Variants in ZNF732 observed in about 807,000 individuals in gnomAD.
The protein encoded by ZNF732 is zinc finger protein LOC654254.
In ZNF732, 12 loss-of-function variants were observed where a neutral mutation model predicts 11.5. That is an observed-to-expected ratio of 1.05 (90% confidence interval 0.67 to 1.70). The LOEUF (loss-of-function observed/expected upper bound fraction) is 1.70, where lower values mean the gene tolerates loss of function less well. ZNF732 is among the 40% of genes most tolerant of loss of function. ZNF732 has a pLI of 0.00. For missense variants in ZNF732, 702 were observed against 676.9 expected, an observed-to-expected ratio of 1.04 and a Z score of -0.41; for synonymous variants, 231 against 236.5, an observed-to-expected ratio of 0.98 and a Z score of 0.21.
intron 3 of ZNF732, among the ~76,000 whole-genome samples, chr4:292,978 GA>G (rs111452322): frequency 0.06 from 8,058 of 134,804 alleles, 381 homozygotes; most frequent in African/African-American, 0.13. Context: ...TGAGGCAGGA[GA>G]ATGGCGTGAA....
intron 3 of ZNF732, among the ~76,000 whole-genome samples, chr4:291,945 C>T (rs1229837396): frequency 2.6e-5 from 4 of 152,078 alleles, no homozygotes; most frequent in African/African-American, 9.7e-5. Flanking sequence ...GGCAAGGGAA[C>T]CAAGAACACA....
At chr4:284,248 A>C (rs148521496) in intron 3 of ZNF732, among the ~76,000 whole-genome samples, 68 of 152,336 alleles carry the variant, frequency 4.5e-4, no homozygotes, top group African/African-American at 1.5e-3. Context: ...AATTTTATAA[A>C]TGAGAAATCA....
chr4:303,932 T>C (rs1468649859), intron 1 of ZNF732, among the ~76,000 whole-genome samples: 1 of 152,170 alleles, frequency 6.6e-6, no homozygotes, highest in Admixed American at 6.5e-5. Context: ...GACTAGTTTG[T>C]GCTACAAGTG....
intron 3 of ZNF732, among the ~76,000 whole-genome samples, chr4:284,788 T>C (rs193139501): frequency 1.4e-5 from 2 of 147,676 alleles, no homozygotes; most frequent in African/African-American, 5.0e-5. Flanking sequence ...GAAGAATCGC[T>C]TGAACCCAGG....
At chr4:296,626 G>A (rs962461966) in intron 1 of ZNF732, among the ~76,000 whole-genome samples, 6 of 151,366 alleles carry the variant, frequency 4.0e-5, no homozygotes, top group Non-Finnish European at 5.9e-5. Flanking sequence ...GAGTCACTTA[G>A]CTAAGCGCTG....
At chr4:298,689 C>T (rs1460717692) in intron 1 of ZNF732, among the ~76,000 whole-genome samples, 1 of 152,118 alleles carries the variant, frequency 6.6e-6, no homozygotes, top group Non-Finnish European at 1.5e-5. Context: ...GGGATGCAAA[C>T]AGAAAATGAA....
At chr4:287,256 C>T in intron 3 of ZNF732, among the ~76,000 whole-genome samples, 1 of 151,602 alleles carries the variant, frequency 6.6e-6, no homozygotes, top group Non-Finnish European at 1.5e-5. Context: ...TTGGTGTTGC[C>T]CAGACTGTAG....
At chr4:280,605 G>A (rs56023157) in intron 3 of ZNF732, among the ~76,000 whole-genome samples, 9,202 of 152,108 alleles carry the variant, frequency 0.06, 467 homozygotes, top group African/African-American at 0.14. Flanking sequence ...CAGCAGTTAT[G>A]TCCTGAAAAA....
At chr4:280,172 T>C (rs1397612343) in intron 3 of ZNF732, among the ~76,000 whole-genome samples, 1 of 151,572 alleles carries the variant, frequency 6.6e-6, no homozygotes, top group Non-Finnish European at 1.5e-5. Flanking sequence ...CTATAAAATA[T>C]AGAATATAGA....
At chr4:297,687 T>C (rs1035650550) in intron 1 of ZNF732, among the ~76,000 whole-genome samples, 8 of 151,682 alleles carry the variant, frequency 5.3e-5, no homozygotes, top group Non-Finnish European at 1.2e-4. Context: ...ACACTGGTTT[T>C]AATTTTATAA....
chr4:305,262 C>A, intron 1 of ZNF732, 46 bp downstream of exon 1: 1 of 1,593,770 alleles, frequency 6.3e-7, no homozygotes, highest in Non-Finnish European at 8.5e-7. Flanking sequence ...CCCGCCGGTT[C>A]GGATGAGGCC....
chr4:299,390 TGTAC>T (rs1720036811), intron 1 of ZNF732, among the ~76,000 whole-genome samples: 1 of 75,686 alleles, frequency 1.3e-5, no homozygotes, highest in African/African-American at 3.7e-5. Context: ...TATACACATA[TGTAC>T]ACATATGTGT....
intron 3 of ZNF732, among the ~76,000 whole-genome samples, chr4:281,310 C>T (rs1040050198): frequency 3.9e-5 from 6 of 152,180 alleles, no homozygotes; most frequent in African/African-American, 9.7e-5. Context: ...CTGAAGCAGC[C>T]GCATGAATCA....
chr4:286,544 C>G (rs1218343555), intron 3 of ZNF732, among the ~76,000 whole-genome samples: 3 of 152,160 alleles, frequency 2.0e-5, no homozygotes, highest in African/African-American at 7.2e-5. Flanking sequence ...AAGCCAGGCA[C>G]AAGAAGACAA....
At chr4:277,440 T>C (rs1719520771) in intron 3 of ZNF732, among the ~76,000 whole-genome samples, 2 of 151,804 alleles carry the variant, frequency 1.3e-5, no homozygotes, top group South Asian at 4.2e-4. Context: ...TAACACACAA[T>C]TTAAACATAG....
intron 3 of ZNF732, among the ~76,000 whole-genome samples, chr4:294,064 T>C (rs1553841797): frequency 6.6e-6 from 1 of 152,220 alleles, no homozygotes. Context: ...TGCAATGGCA[T>C]GATCTCAGCT....
intron 3 of ZNF732, among the ~76,000 whole-genome samples, chr4:287,971 C>T (rs1719766840): frequency 6.6e-6 from 1 of 151,870 alleles, no homozygotes. Context: ...TTATATTGGC[C>T]ATCCTAATTA....
At chr4:299,392 T>TAC (rs1450919455) in intron 1 of ZNF732, among the ~76,000 whole-genome samples, 11 of 85,882 alleles carry the variant, frequency 1.3e-4, no homozygotes, top group Admixed American at 8.9e-4. Flanking sequence ...TACACATATG[T>TAC]ACACATATGT....
At chr4:286,909 T>C (rs1214313128) in intron 3 of ZNF732, among the ~76,000 whole-genome samples, 1 of 152,134 alleles carries the variant, frequency 6.6e-6, no homozygotes, top group Admixed American at 6.5e-5. Context: ...TCCCAGCAGT[T>C]TGGGAGGCCA....
Sources: gnomAD v4.1 joint callset for allele counts (sites outside exome capture counted in the v4.1 genomes callset) on GRCh38, gnomAD v4.1.1 for gene constraint, MANE v1.5 for transcripts, NCBI Gene and HGNC (gene_info 2026-07-23, HGNC 2026-07-21) for gene names.